Variants in SAMM50 observed in about 807,000 individuals in gnomAD.
The protein encoded by SAMM50 is sorting and assembly machinery component 50 homolog.
SAMM50 carries 47 observed loss-of-function variants against 66.9 expected under a neutral mutation model. The observed-to-expected ratio is 0.70, with a 90% CI of 0.56 to 0.90. The LOEUF is 0.90. Ranked by LOEUF, SAMM50 falls within the 40% of genes least tolerant of loss-of-function variation. The pLI is 0.00. For missense variants in SAMM50, 535 were observed against 595.3 expected, an observed-to-expected ratio of 0.90 and a Z score of 1.05; for synonymous variants, 191 against 214.1, an observed-to-expected ratio of 0.89 and a Z score of 0.94.
chr22:43,994,471 GGGGTGCAAGGCGCCAA>G (rs2050342270), intron 14 of SAMM50, among the ~76,000 whole-genome samples: 1 of 152,162 alleles, frequency 6.6e-6, no homozygotes, highest in Non-Finnish European at 1.5e-5. Flanking sequence ...GGTGGGAGGT[GGGGTGCAAGGCGCCAA>G]GGGTGCTGTT....
chr22:43,987,853 G>C (rs2050302216), intron 12 of SAMM50: 1 of 151,402 alleles, frequency 6.6e-6, no homozygotes, highest in African/African-American at 2.4e-5. Context: ...AGGAGAAAGT[G>C]TTTACAATAT....
At chr22:43,978,080 CT>C in intron 10 of SAMM50, 122 bp downstream of exon 10, 1 of 638,858 alleles carries the variant, frequency 1.6e-6, no homozygotes, top group South Asian at 2.0e-5. Context: ...AATGCTTAAC[CT>C]TTGATGTTTC....
chr22:43,958,172 C>T (rs1432723776), intron 1 of SAMM50, among the ~76,000 whole-genome samples: 2 of 152,186 alleles, frequency 1.3e-5, no homozygotes, highest in Non-Finnish European at 2.9e-5. Context: ...TTTAGAACTC[C>T]GTTCTGAAAG....
chr22:43,969,614 G>C lies in SAMM50; in HGVS notation c.322+796G>C, dbSNP rs554034546. Among the ~76,000 whole-genome samples the C allele has an allele frequency of 1.1e-4, 16 of 152,370 alleles. 1 individual carries two copies. The East Asian group carries it at 1.9e-3, about 18-fold the overall frequency. ...TGGCCAGGGCATGAGAAGGGGATCA[G>C]AGAGGGTGTCCCTGAAGGGGCGATG... On this transcript the variant is annotated intron_variant, in intron 4 of 14. Transcript: ENST00000350028.
intron 7 of SAMM50, chr22:43,975,705 C>T (rs1171067754): frequency 5.5e-6 from 1 of 182,462 alleles, no homozygotes; most frequent in African/African-American, 2.3e-5. Flanking sequence ...ATCAGATCAT[C>T]TTAGGTGTCT....
chr22:43,958,781 G>A (rs185934948), intron 1 of SAMM50, among the ~76,000 whole-genome samples: 1 of 152,178 alleles, frequency 6.6e-6, no homozygotes, highest in Non-Finnish European at 1.5e-5. Flanking sequence ...CTAGCCTGTG[G>A]AGCTCTTTTT....
intron 10 of SAMM50, among the ~76,000 whole-genome samples, chr22:43,981,099 T>A (rs934361953): frequency 6.6e-6 from 1 of 152,222 alleles, no homozygotes; most frequent in Non-Finnish European, 1.5e-5. Context: ...TGGGCGTCAC[T>A]TCCCGTTGCA....
In SAMM50 at chr22:43,990,287, T is replaced by C; in HGVS notation, c.1245T>C (p.Ile415=). The C allele has an allele frequency of 6.2e-7, 1 of 1,614,160 alleles. No individual in the cohort carries two copies. The highest frequency in any genetic ancestry group is 8.5e-7 in the Non-Finnish European group (1 of 1,180,022). The part of the protein sequence containing the change: ...LNYGEGPKAH[I]RKLAECIRWS... ...CAGGGGAGGGCCCCAAAGCTCATAT[T>C]CGTAAGCTGGCTGAGTGCATCCGCT... The change falls in exon 14 of 15, where the codon ATT becomes ATC. Residue 415 remains isoleucine (I), a synonymous_variant. Transcript: ENST00000350028.
intron 3 of SAMM50, among the ~76,000 whole-genome samples, chr22:43,968,195 C>G (rs2146810718): frequency 7.5e-6 from 1 of 134,222 alleles, no homozygotes; most frequent in Non-Finnish European, 1.5e-5. Flanking sequence ...CCGTTGCACT[C>G]CAGCCTGGGC....
In SAMM50 at chr22:43,970,260, G is replaced by A. The variant is rs142309375; in HGVS notation, c.322+1442G>A. ...TCACCTTGGGCTAGTGTGGTGCCTT[G>A]TTCTCTGAAGTCACCTTGGGCTAGT... On this transcript the variant is annotated intron_variant, in intron 4 of 14. Transcript: ENST00000350028. Among the ~76,000 whole-genome samples the A allele has an allele frequency of 7.2e-5, 11 of 152,212 alleles. No homozygotes were observed. In the East Asian group the frequency reaches 2.1e-3, roughly 29 times the overall value.
chr22:43,980,113 C>A, intron 10 of SAMM50, among the ~76,000 whole-genome samples: 1 of 143,376 alleles, frequency 7.0e-6, no homozygotes, highest in Admixed American at 7.1e-5. Flanking sequence ...TCCACCCATC[C>A]ACCCACCCAC....
chr22:43,984,824 G>T (rs966948964), intron 12 of SAMM50, among the ~76,000 whole-genome samples: 11 of 151,428 alleles, frequency 7.3e-5, no homozygotes, highest in African/African-American at 2.7e-4. Context: ...TAGAGACGGG[G>T]TTTCATTATG....
intron 11 of SAMM50, among the ~76,000 whole-genome samples, chr22:43,982,959 GA>G (rs767413283): frequency 6.6e-6 from 1 of 152,216 alleles, no homozygotes; most frequent in East Asian, 1.9e-4. Flanking sequence ...CTTTAAAAAC[GA>G]AGCTTGCTGT....
In SAMM50 at chr22:43,972,936, T is replaced by C; in HGVS notation, c.495T>C (p.Tyr165=). 6 of 1,603,374 alleles carry C rather than the reference T, an allele frequency of 3.7e-6. No individual in the cohort carries two copies. Among genetic ancestry groups the C allele is most frequent in the Non-Finnish European group, 4.2e-6 (5 of 1,177,780 alleles). The change falls in exon 6 of 15, where the codon TAT becomes TAC. Residue 165 remains tyrosine, a synonymous_variant. Coordinates refer to ENST00000350028, the MANE Select transcript of SAMM50 (RefSeq NM_015380.5). ...AAAAGGTGACCTTTCAGTTTTCCTA[T>C]GGAACAAAAGAAACTTCGTATGGCC... The part of the protein sequence containing the change: ...RAEKVTFQFS[Y]GTKETSYGLS...
intron 14 of SAMM50, among the ~76,000 whole-genome samples, chr22:43,994,860 T>A (rs2146831512): frequency 6.6e-6 from 1 of 152,318 alleles, no homozygotes; most frequent in East Asian, 1.9e-4. Flanking sequence ...TGTGAAGTTG[T>A]TTAATCTGTT....
chr22:43,993,725 G>A lies in SAMM50; in HGVS notation c.1365-2613G>A, dbSNP rs1340313526. On this transcript the variant is annotated intron_variant, in intron 14 of 14. Transcript: ENST00000350028. ...GGTTGGTCATCAATATTGGAATTTC[G>A]TGAAGTTGGAGTGAGGTTGCCAGAT... 7.9e-5 allele frequency among the ~76,000 whole-genome samples: 12 copies of A among 152,306 alleles called. 1 individual carries two copies. In the South Asian group the frequency reaches 2.1e-3, roughly 26 times the overall value.
chr22:43,965,347 A>C (rs961976998), intron 3 of SAMM50, among the ~76,000 whole-genome samples: 10 of 152,106 alleles, frequency 6.6e-5, no homozygotes, highest in Admixed American at 5.9e-4. Flanking sequence ...CTGGGATTAC[A>C]GATGTGCACC....
intron 5 of SAMM50, among the ~76,000 whole-genome samples, chr22:43,972,616 T>G (rs148245401): frequency 8.5e-5 from 13 of 152,362 alleles, no homozygotes; most frequent in African/African-American, 3.1e-4. Flanking sequence ...ACTCTAAATC[T>G]GTAACATTCT....
chr22:43,971,149 C>A (rs979088248), intron 4 of SAMM50, among the ~76,000 whole-genome samples: 2 of 152,154 alleles, frequency 1.3e-5, no homozygotes, highest in African/African-American at 4.8e-5. Context: ...GCCTGGGTGA[C>A]AGAATGAGGC....
Sources: allele counts gnomAD v4.1 joint callset (sites outside exome capture counted in the v4.1 genomes callset), GRCh38; gene constraint gnomAD v4.1.1; transcripts MANE v1.5; gene names NCBI Gene and HGNC (gene_info 2026-07-23, HGNC 2026-07-21).